AKT2: variants seen among roughly 807,000 people sequenced by gnomAD.
AKT2 encodes AKT serine/threonine kinase 2.
A neutral mutation model predicts 58.6 loss-of-function variants in AKT2; 16 were observed. That is an observed-to-expected ratio of 0.27 (90% CI 0.18 to 0.41). The LOEUF (loss-of-function observed/expected upper bound fraction) is 0.41. AKT2 is among the 10% of genes least tolerant of loss of function. AKT2 has a pLI of 1.00. For missense variants in AKT2, 438 were observed against 661.0 expected (o/e 0.66, Z 3.70); for synonymous variants, 253 against 254.0 (o/e 1.00, Z 0.04).
Position 40,231,208 on chromosome 19 carries a change from G to A in AKT2, c.*2664C>T. 1 of 232,164 alleles carries A rather than the reference G, an allele frequency of 4.3e-6. No individual in the cohort carries two copies. Among genetic ancestry groups the A allele is most frequent in the Non-Finnish European group, 8.5e-6 (1 of 117,410 alleles). The allele number at this position is 232,164 out of a possible 1,614,324, so 14.4% of individuals were successfully genotyped here. On this transcript the variant is annotated 3_prime_UTR_variant, in exon 14 of 14. Transcript: ENST00000392038. ...CTACGGGGCCAGCTGCTGCAGCTGT[G>A]GGACCCCATCCTGTGGAAGAGGAGA...
At chr19:40,258,714 G>A (rs958175498) in intron 2 of AKT2, among the ~76,000 whole-genome samples, 1 of 151,106 alleles carries the variant, frequency 6.6e-6, no homozygotes, top group East Asian at 1.9e-4. Flanking sequence ...AACCAAGGGG[G>A]TGAAGGGCTT....
chr19:40,241,454 C>T (rs183687890), intron 6 of AKT2: 25 of 227,524 alleles, frequency 1.1e-4, no homozygotes, highest in Admixed American at 7.3e-4. Context: ...GCTGGCTAAA[C>T]GCTGATAACT....
chr19:40,262,216 G>A (rs1976014451), intron 2 of AKT2, among the ~76,000 whole-genome samples: 2 of 151,202 alleles, frequency 1.3e-5, no homozygotes, highest in South Asian at 4.2e-4. Flanking sequence ...AGACCCACCT[G>A]GGCAATATAG....
intron 6 of AKT2, chr19:40,241,564 A>C (rs1974407469): frequency 3.6e-6 from 1 of 280,354 alleles, no homozygotes; most frequent in African/African-American, 2.2e-5. Flanking sequence ...AATTCAAATA[A>C]GGGAAAAAGT....
At chr19:40,271,975 G>C (rs1206735778) in intron 1 of AKT2, among the ~76,000 whole-genome samples, 2 of 152,206 alleles carry the variant, frequency 1.3e-5, no homozygotes, top group Non-Finnish European at 2.9e-5. Context: ...GCTCACAACA[G>C]GGGTCTGGTG....
chr19:40,246,927 G>A (rs912891508), intron 4 of AKT2, among the ~76,000 whole-genome samples: 7 of 152,218 alleles, frequency 4.6e-5, no homozygotes, highest in African/African-American at 1.4e-4. Flanking sequence ...GCAGAGCACC[G>A]CGCGCAGGGC....
At chr19:40,239,645 C>T (rs1053344002) in intron 7 of AKT2, 2 of 371,446 alleles carry the variant, frequency 5.4e-6, no homozygotes, top group Non-Finnish European at 1.0e-5. Context: ...CAGGCATCTA[C>T]TCAGTCCAGG....
intron 4 of AKT2, among the ~76,000 whole-genome samples, chr19:40,247,511 C>T (rs1048617309): frequency 1.3e-5 from 2 of 152,198 alleles, no homozygotes; most frequent in African/African-American, 4.8e-5. Context: ...CTCAGTGAAG[C>T]GCTGAAAGCT....
At chr19:40,275,783 C>CGGGG (rs2077309069) in intron 1 of AKT2, among the ~76,000 whole-genome samples, 1 of 4,600 alleles carries the variant, frequency 2.2e-4, no homozygotes, top group African/African-American at 8.3e-4. Context: ...GGGGGGTGGG[C>CGGGG]GGGGGGCGAT....
chr19:40,243,084 G>A, intron 4 of AKT2: 1 of 290,626 alleles, frequency 3.4e-6, no homozygotes, highest in East Asian at 8.1e-5. Context: ...GGAGGGTGCA[G>A]TGAGCAGAGA....
intron 2 of AKT2, among the ~76,000 whole-genome samples, chr19:40,261,130 G>A (rs1486291742): frequency 6.6e-6 from 1 of 152,246 alleles, no homozygotes; most frequent in Non-Finnish European, 1.5e-5. Flanking sequence ...CAAAGTTCAT[G>A]TGTTGGAAAC....
chr19:40,282,606 G>A (rs761692957), intron 1 of AKT2: 13 of 515,620 alleles, frequency 2.5e-5, no homozygotes, highest in East Asian at 1.7e-4. Context: ...GAGGACAGAG[G>A]TGACTCTATC....
chr19:40,285,214 G>A lies in AKT2; in HGVS notation c.-118C>T. 5.1e-6 allele frequency: 2 copies of A among 395,194 alleles called. No homozygotes were observed. 24.5% of individuals were successfully genotyped at this position (395,194 alleles called of 1,614,324 possible). ...GGCAGCCGCCCAGCCTCTCCGGCGG[G>A]GCTCTACCCCCGCCCATCGCCACGC... is the stretch of plus-strand genomic sequence containing the variant. On this transcript the variant is annotated 5_prime_UTR_variant, in exon 1 of 14. Coordinates refer to ENST00000392038, the MANE Select transcript of AKT2 (RefSeq NM_001626.6).
intron 2 of AKT2, among the ~76,000 whole-genome samples, chr19:40,262,899 T>C (rs1976066332): frequency 6.6e-6 from 1 of 152,102 alleles, no homozygotes; most frequent in African/African-American, 2.4e-5. Context: ...AAAACAGCAG[T>C]AGTCAGCAGG....
chr19:40,233,708 G>A lies in AKT2; in HGVS notation c.*164C>T. The A allele has an allele frequency of 1.3e-6, 1 of 791,132 alleles. No individual in the cohort carries two copies. The allele number at this position is 791,132 out of a possible 1,614,324, so 49.0% of individuals were successfully genotyped here. A position where few individuals can be genotyped will look rare whatever the true frequency, so the allele number is the denominator to read the frequency against. On this transcript the variant is annotated 3_prime_UTR_variant, in exon 14 of 14. Transcript: ENST00000392038. The surrounding 1 kb of genome is among the most constrained non-coding windows in gnomAD (Gnocchi z 4.3). ...CTGGAGGCTGGAGGCAGGGGCTGCA[G>A]GGGCCGCTGGGGTGCGTCTGGGAGG...
intron 4 of AKT2, among the ~76,000 whole-genome samples, chr19:40,246,491 T>TC (rs1974760868): frequency 6.6e-6 from 1 of 152,064 alleles, no homozygotes; most frequent in African/African-American, 2.4e-5. Context: ...ATGCTGACTC[T>TC]GAGTAAATGA....
At chr19:40,276,345 C>CTT (rs748551877) in intron 1 of AKT2, among the ~76,000 whole-genome samples, 7 of 58,510 alleles carry the variant, frequency 1.2e-4, no homozygotes, top group South Asian at 7.1e-4. Context: ...AAAATGGAAT[C>CTT]TTTTTTTTTT....
intron 4 of AKT2, among the ~76,000 whole-genome samples, chr19:40,253,545 C>A (rs1600043058): frequency 6.6e-6 from 1 of 152,290 alleles, no homozygotes; most frequent in East Asian, 1.9e-4. Flanking sequence ...AAGTTAAACA[C>A]CCCGAGGTGC....
At chr19:40,277,408 A>T (rs554714280) in intron 1 of AKT2, among the ~76,000 whole-genome samples, 24 of 152,278 alleles carry the variant, frequency 1.6e-4, no homozygotes, top group African/African-American at 4.8e-4. Context: ...CCTGTCTCCA[A>T]AGCAGAATAT....
Sources: allele counts gnomAD v4.1 joint callset (sites outside exome capture counted in the v4.1 genomes callset), GRCh38; gene constraint gnomAD v4.1.1; non-coding constraint Gnocchi (gnomAD v3.1); transcripts MANE v1.5; gene names NCBI Gene and HGNC (gene_info 2026-07-23, HGNC 2026-07-21).